ELL: variants seen among roughly 807,000 people sequenced by gnomAD.
ELL encodes the protein RNA polymerase II elongation factor ELL.
A neutral mutation model predicts 64.0 loss-of-function variants in ELL; 18 were observed. The ratio of observed to expected loss-of-function variants is 0.28; its 90% CI spans 0.19 to 0.42. The LOEUF (loss-of-function observed/expected upper bound fraction) is 0.42, where lower values mean the gene tolerates loss of function less well. ELL is among the 10% of genes least tolerant of loss of function. The pLI, the probability that ELL is intolerant of heterozygous loss-of-function variation, is 1.00. For missense variants in ELL, 797 were observed against 870.4 expected (o/e 0.92, Z 1.06); for synonymous variants, 399 against 376.2 (o/e 1.06, Z -0.70).
chr19:18,486,274 CA>C (rs1721954865), intron 1 of ELL, among the ~76,000 whole-genome samples: 1 of 152,200 alleles, frequency 6.6e-6, no homozygotes, highest in African/African-American at 2.4e-5. Flanking sequence ...ACTGGCTCAA[CA>C]GGGGCAGGAA....
chr19:18,510,135 A>T (rs946804556), intron 1 of ELL, among the ~76,000 whole-genome samples: 6 of 152,236 alleles, frequency 3.9e-5, no homozygotes, highest in Non-Finnish European at 8.8e-5. Context: ...TGGGAGGCCA[A>T]GGTGGGTGGA....
At chr19:18,481,319 C>A (rs963516060) in intron 1 of ELL, among the ~76,000 whole-genome samples, 1 of 152,184 alleles carries the variant, frequency 6.6e-6, no homozygotes, top group African/African-American at 2.4e-5. Flanking sequence ...GGACTGGGGG[C>A]CAGAAGTCTG....
intron 6 of ELL, 90 bp from the exon 7 acceptor site, chr19:18,451,738 C>A: frequency 2.8e-6 from 3 of 1,058,658 alleles, no homozygotes; most frequent in Non-Finnish European, 3.9e-6. Flanking sequence ...GGTGGAGATG[C>A]CTCAAGGAAG....
At chr19:18,454,915 G>A (rs961223464) in intron 6 of ELL, among the ~76,000 whole-genome samples, 1 of 150,172 alleles carries the variant, frequency 6.7e-6, no homozygotes, top group Non-Finnish European at 1.5e-5. Context: ...TTGGAAGGCT[G>A]AGGCCCTTGA....
intron 6 of ELL, among the ~76,000 whole-genome samples, chr19:18,455,647 A>C (rs914270230): frequency 1.3e-5 from 2 of 151,928 alleles, no homozygotes; most frequent in African/African-American, 4.8e-5. Flanking sequence ...GGAGTTCAAG[A>C]CCAGTCTGGA....
At chr19:18,503,107 C>G (rs17211813) in intron 1 of ELL, among the ~76,000 whole-genome samples, 13 of 152,190 alleles carry the variant, frequency 8.5e-5, no homozygotes, top group African/African-American at 3.1e-4. Flanking sequence ...AAAACAGGAA[C>G]CTGGCTTAAA....
At chr19:18,500,194 G>A (rs1266447648) in intron 1 of ELL, among the ~76,000 whole-genome samples, 4 of 151,704 alleles carry the variant, frequency 2.6e-5, no homozygotes, top group Admixed American at 6.6e-5. Flanking sequence ...CCTGGGAGGC[G>A]GAGGTTGCAG....
At chr19:18,469,988 C>A (rs2891676) in intron 2 of ELL, among the ~76,000 whole-genome samples, 1 of 152,090 alleles carries the variant, frequency 6.6e-6, no homozygotes, top group African/African-American at 2.4e-5. Flanking sequence ...CAGCATGGCC[C>A]AGGACCAAGA....
intron 1 of ELL, among the ~76,000 whole-genome samples, chr19:18,488,539 TC>T (rs1448404922): frequency 7.2e-5 from 11 of 152,094 alleles, no homozygotes; most frequent in Non-Finnish European, 1.6e-4. Context: ...GGCTGCATGC[TC>T]CCAGCATCCA....
chr19:18,504,053 G>A (rs964231051), intron 1 of ELL, among the ~76,000 whole-genome samples: 8 of 152,344 alleles, frequency 5.3e-5, no homozygotes, highest in African/African-American at 1.7e-4. Flanking sequence ...GGGAGGCCTC[G>A]CCTGGTGGCT....
At chr19:18,455,204 T>A (rs1475203288) in intron 6 of ELL, among the ~76,000 whole-genome samples, 3 of 148,424 alleles carry the variant, frequency 2.0e-5, no homozygotes, top group African/African-American at 7.5e-5. Flanking sequence ...AAGAACATGA[T>A]GAGTTAGGCC....
chr19:18,451,053 G>C, intron 7 of ELL, 78 bp from the exon 8 acceptor site: 1 of 1,430,848 alleles, frequency 7.0e-7, no homozygotes. Flanking sequence ...GGCCTGGCTA[G>C]AAAACCCAAC....
At chr19:18,497,487 C>T (rs1186293435) in intron 1 of ELL, among the ~76,000 whole-genome samples, 2 of 152,040 alleles carry the variant, frequency 1.3e-5, no homozygotes, top group Non-Finnish European at 2.9e-5. Flanking sequence ...ATGTACAGCA[C>T]CAAGAGTGTG....
At chr19:18,519,305 A>T (rs1976202476) in intron 1 of ELL, among the ~76,000 whole-genome samples, 1 of 152,168 alleles carries the variant, frequency 6.6e-6, no homozygotes. Flanking sequence ...TAACCACAGC[A>T]TCGAGGAATA....
chr19:18,458,421 T>A lies in ELL; in HGVS notation c.745-92A>T, dbSNP rs1044159712. ...ATCTGATAGTGGGTTTGGGAGGGTG[T>A]GCAGAGACAGTGGGAGACAGACAGA... On this transcript the variant is annotated intron_variant, in intron 5 of 11. Coordinates refer to ENST00000262809, the MANE Select transcript of ELL (RefSeq NM_006532.4). 23 of 1,537,888 alleles carry A rather than the reference T, an allele frequency of 1.5e-5. No homozygotes were observed. The Admixed American group carries it at 2.7e-4, about 18-fold the overall frequency.
At position 18,487,848 on chromosome 19, in the gene ELL, T is replaced by A. The variant is rs540423744; in HGVS notation, c.136-14966A>T. 6.6e-5 allele frequency among the ~76,000 whole-genome samples: 10 copies of A among 152,284 alleles called. No homozygotes were observed. In the East Asian group the frequency reaches 1.9e-3, roughly 29 times the overall value. ...ACAAAGTAGAGCCTTCCCGGTACAA[T>A]CTGTACTTTCAGAATCCGAACACTC... On this transcript the variant is annotated intron_variant, in intron 1 of 11. Coordinates refer to ENST00000262809, the MANE Select transcript of ELL (RefSeq NM_006532.4).
chr19:18,488,013 A>C (rs1449149821), intron 1 of ELL, among the ~76,000 whole-genome samples: 1 of 152,150 alleles, frequency 6.6e-6, no homozygotes, highest in African/African-American at 2.4e-5. Context: ...CCAGGCTGGC[A>C]AGTGTCCACC....
intron 1 of ELL, among the ~76,000 whole-genome samples, chr19:18,473,385 G>T (rs1975104804): frequency 6.6e-6 from 1 of 152,192 alleles, no homozygotes; most frequent in Non-Finnish European, 1.5e-5. Flanking sequence ...CACCAACCAG[G>T]CTAAGTCCTG....
chr19:18,450,640 G>A lies in ELL; in HGVS notation c.1302C>T (p.Ala434=), dbSNP rs1205941191. The A allele has an allele frequency of 1.1e-5, 18 of 1,605,180 alleles. No individual in the cohort carries two copies. The highest frequency in any genetic ancestry group is 1.5e-5 in the Non-Finnish European group (18 of 1,176,492). ...RLGLPLLTDC[A]QPSRPHGSPS... is the part of the protein sequence containing the mutation. ...GGCTGCCGTGTGGCCTGCTGGGCTG[G>A]GCACAGTCCGTCAGCAGGGGCAGGC... Residue 434 remains alanine (A), a synonymous_variant, in exon 8 of 12, where the codon GCC becomes GCT. Transcript: ENST00000262809.
Sources: gnomAD v4.1 joint callset for allele counts (sites outside exome capture counted in the v4.1 genomes callset) on GRCh38, gnomAD v4.1.1 for gene constraint, MANE v1.5 for transcripts, NCBI Gene and HGNC (gene_info 2026-07-23, HGNC 2026-07-21) for gene names.